PRCP: variants seen among roughly 807,000 people sequenced by gnomAD.
PRCP encodes the protein prolylcarboxypeptidase.
A neutral mutation model predicts 54.2 loss-of-function variants in PRCP; 46 were observed. The observed-to-expected ratio is 0.85, with a 90% CI of 0.67 to 1.09. PRCP has a LOEUF of 1.09. Ranked by LOEUF, PRCP falls within the 50% of genes least tolerant of loss-of-function variation. The probability of loss-of-function intolerance (pLI) is 0.00; values close to 1 mark genes in which losing one functional copy is unlikely to be tolerated. For missense variants in PRCP, 613 were observed against 596.8 expected, an observed-to-expected ratio of 1.03 and a Z score of -0.28; for synonymous variants, 240 against 212.2, an observed-to-expected ratio of 1.13 and a Z score of -1.14.
At chr11:82,859,835 T>C (rs1354133190) in intron 2 of PRCP, 142 bp downstream of exon 2, 21 of 705,650 alleles carry the variant, frequency 3.0e-5, no homozygotes. Flanking sequence ...CTATTATTAG[T>C]GTGTTAATTT....
In PRCP at chr11:82,824,912, C is replaced by T. The variant is rs754757116; in HGVS notation, c.1485G>A (p.Gln495=). ...IRDFYDSAGK[Q]H is the part of the protein sequence containing the mutation. ...GAAAACAATCAAAAGTTTCTCAGTGCTGCTTTCCCGCACTGTCATAGAAAT... is the reference window on the plus strand; with the variant it reads ...GAAAACAATCAAAAGTTTCTCAGTGTTGCTTTCCCGCACTGTCATAGAAAT... Residue 495 remains glutamine (Q), a synonymous_variant, in exon 9 of 9, where the codon CAG becomes CAA. Coordinates refer to ENST00000313010, the MANE Select transcript of PRCP (RefSeq NM_005040.4). The T allele has an allele frequency of 1.3e-5, 21 of 1,613,396 alleles. No homozygotes were observed. The East Asian group carries it at 4.0e-4, about 31-fold the overall frequency.
rs1182846361 is a variant in PRCP, at chr11:82,853,175, A to C, written c.411+2T>G. The C allele has an allele frequency of 1.3e-6, 2 of 1,581,216 alleles. No individual in the cohort carries two copies. The highest frequency in any genetic ancestry group is 1.7e-6 in the Non-Finnish European group (2 of 1,158,744). The stretch of plus-strand genomic sequence containing the variant: ...TAACTTTTAAGTAAAAAGTATCTTT[A>C]CCTTGAATGAGTTGTCACCAAAGGG... On this transcript the variant is annotated splice_donor_variant, in intron 3 of 8. Transcript: ENST00000313010. LOFTEE classifies it high-confidence loss of function.
rs1858171798 is a variant in PRCP at position 82,824,535 on chromosome 11, T to C, written c.*371A>G. ...CTTTGTGTAGGGTAGGGATGGGGAC[T>C]TACAAATGGGCCAAAGACACTTCAA... On this transcript the variant is annotated 3_prime_UTR_variant, in exon 9 of 9. Transcript: ENST00000313010. 4.3e-6 allele frequency: 1 copy of C among 235,088 alleles called. No homozygotes were observed. The highest frequency in any genetic ancestry group is 1.2e-4 in the East Asian group (1 of 8,640). 14.6% of individuals were successfully genotyped at this position (235,088 alleles called of 1,614,324 possible). A position where few individuals can be genotyped will look rare whatever the true frequency, so the allele number is the denominator to read the frequency against.
At chr11:82,877,525 G>A (rs1404859364) in intron 1 of PRCP, among the ~76,000 whole-genome samples, 4 of 152,192 alleles carry the variant, frequency 2.6e-5, no homozygotes, top group African/African-American at 9.7e-5. Context: ...GGTGCCCTGT[G>A]TCCTAGCCAC....
intron 3 of PRCP, among the ~76,000 whole-genome samples, chr11:82,851,090 C>T (rs975679298): frequency 9.9e-5 from 15 of 152,114 alleles, no homozygotes; most frequent in African/African-American, 3.6e-4. Flanking sequence ...AAGGAAAACT[C>T]ATAATGTTAA....
intron 1 of PRCP, among the ~76,000 whole-genome samples, chr11:82,876,726 G>C (rs1481184165): frequency 6.6e-6 from 1 of 152,184 alleles, no homozygotes; most frequent in Non-Finnish European, 1.5e-5. Context: ...CCCCAGCCCT[G>C]TGGAACTGTA....
chr11:82,882,535 G>T (rs962994872), intron 1 of PRCP, among the ~76,000 whole-genome samples: 2 of 134,474 alleles, frequency 1.5e-5, no homozygotes, highest in Admixed American at 1.6e-4. Context: ...TCGCTCTGTC[G>T]CCCAGGCTGG....
rs1859171694 is a variant in PRCP, at chr11:82,860,010, A to G, written c.276T>C (p.Asn92=). ...NGGSILFYTG[N]EGDIIWFCNN... is the part of the protein sequence containing the mutation. ...TACAAAACCAGATAATGTCCCCTTC[A>G]TTACCAGTGTAGAAAAGTATTGATC... The change falls in exon 2 of 9, where the codon AAT becomes AAC. Residue 92 remains asparagine (N), a synonymous_variant. Coordinates refer to ENST00000313010, the MANE Select transcript of PRCP (RefSeq NM_005040.4). 6.3e-7 allele frequency: 1 copy of G among 1,590,536 alleles called. No individual in the cohort carries two copies. The highest frequency in any genetic ancestry group is 2.3e-5 in the East Asian group (1 of 43,050).
intron 1 of PRCP, among the ~76,000 whole-genome samples, chr11:82,891,307 A>T (rs1860004303): frequency 6.6e-6 from 1 of 152,132 alleles, no homozygotes; most frequent in Non-Finnish European, 1.5e-5. Context: ...GAATCTGAGC[A>T]CTTCTCAGCC....
In PRCP at chr11:82,882,883, T is replaced by A. The variant is rs549038945; in HGVS notation, c.168+17352A>T. On this transcript the variant is annotated intron_variant, in intron 1 of 8. Transcript: ENST00000313010. ...CACACACACACACACACAGCCCTAC[T>A]GCCACAGACCCTTTTTTAGATCTCC... 6.2e-3 allele frequency among the ~76,000 whole-genome samples: 462 copies of A among 74,238 alleles called. 4 individuals are homozygous for A. Among genetic ancestry groups the A allele is most frequent in the African/African-American group, 0.027 (439 of 16,192 alleles). The allele number at this position is 74,238 out of a possible 152,430, so 48.7% of individuals were successfully genotyped here.
At position 82,856,716 on chromosome 11, in the gene PRCP, G is replaced by A. The variant is rs533670169; in HGVS notation, c.309+3261C>T. Among the ~76,000 whole-genome samples the A allele has an allele frequency of 2.0e-5, 3 of 151,656 alleles. No homozygotes were observed. The South Asian group carries it at 6.2e-4, about 32-fold the overall frequency. On this transcript the variant is annotated intron_variant, in intron 2 of 8. Transcript: ENST00000313010. ...TCAAGAAAAAAAAACACGATGGAGA[G>A]AAAACAAATTAAATAAAAATAAAAG...
At chr11:82,885,640 T>G (rs1443012888) in intron 1 of PRCP, among the ~76,000 whole-genome samples, 4 of 152,208 alleles carry the variant, frequency 2.6e-5, no homozygotes, top group Non-Finnish European at 5.9e-5. Flanking sequence ...GTTCATCAGA[T>G]TTGACTCCCT....
chr11:82,870,292 T>C (rs1352138542), intron 1 of PRCP, among the ~76,000 whole-genome samples: 1 of 151,802 alleles, frequency 6.6e-6, no homozygotes, highest in Non-Finnish European at 1.5e-5. Flanking sequence ...AACAACAGAG[T>C]TTTAAGAAGG....
chr11:82,840,021 T>C (rs1298892635), intron 6 of PRCP: 1 of 152,136 alleles, frequency 6.6e-6, no homozygotes, highest in Non-Finnish European at 1.5e-5. Context: ...AGGTATCTGG[T>C]AAGTAAATGT....
chr11:82,847,703 C>T (rs1858840626), intron 6 of PRCP, among the ~76,000 whole-genome samples: 1 of 152,022 alleles, frequency 6.6e-6, no homozygotes, highest in African/African-American at 2.4e-5. Context: ...AGCAATCATC[C>T]CGCCTTAGCC....
At chr11:82,858,184 T>C (rs2121170892) in intron 2 of PRCP, 1 of 152,322 alleles carries the variant, frequency 6.6e-6, no homozygotes, top group South Asian at 2.1e-4. Flanking sequence ...TGCTTGCAAG[T>C]CCCCTAATCT....
rs543954632 is a variant in PRCP, at chr11:82,852,945, T to C, written c.411+232A>G. Among the ~76,000 whole-genome samples the C allele has an allele frequency of 7.4e-4, 112 of 152,238 alleles. No homozygotes were observed. In the South Asian group the frequency reaches 0.023, roughly 31 times the overall value. The stretch of plus-strand genomic sequence containing the variant: ...CTGCAGCCACAGAGTAAAATTTAAC[T>C]TTCTGAGGCACACAGAGTTAAAAAC... On this transcript the variant is annotated intron_variant, in intron 3 of 8. Transcript: ENST00000313010.
At chr11:82,828,225 C>T (rs1858290703) in intron 8 of PRCP, 1 of 152,178 alleles carries the variant, frequency 6.6e-6, no homozygotes, top group Non-Finnish European at 1.5e-5. Context: ...TCTAAAAACC[C>T]TAGTCCAATG....
In PRCP at chr11:82,891,207, A is replaced by G. The variant is rs189266910; in HGVS notation, c.168+9028T>C. On this transcript the variant is annotated intron_variant, in intron 1 of 8. Coordinates refer to ENST00000313010, the MANE Select transcript of PRCP (RefSeq NM_005040.4). ...TCCTACCTTCTAACTGCTCAGGCCA[A>G]AAACCTTGGAGTCATCTTCAATTCT... Among the ~76,000 whole-genome samples, 288 of 152,272 alleles carry G rather than the reference A, an allele frequency of 1.9e-3. 6 individuals are homozygous for G. The highest frequency in any genetic ancestry group is 1.0e-4 in the Non-Finnish European group (7 of 68,030).
Sources: allele counts gnomAD v4.1 joint callset (sites outside exome capture counted in the v4.1 genomes callset), GRCh38; gene constraint gnomAD v4.1.1; transcripts MANE v1.5; gene names NCBI Gene and HGNC (gene_info 2026-07-23, HGNC 2026-07-21).